CENPO: variants seen among roughly 807,000 people sequenced by gnomAD.
CENPO encodes centromeric protein O.
A neutral mutation model predicts 36.1 loss-of-function variants in CENPO; 30 were observed. That is an observed-to-expected ratio of 0.83 (90% CI 0.62 to 1.13). CENPO has a LOEUF of 1.13. CENPO is among the 50% of genes most tolerant of loss of function. The pLI is 0.00. For missense variants in CENPO, 349 were observed against 357.8 expected, an observed-to-expected ratio of 0.98 and a Z score of 0.20; for synonymous variants, 171 against 142.3, an observed-to-expected ratio of 1.20 and a Z score of -1.44.
chr2:24,794,299 A>G (rs1054716451), intron 2 of CENPO, among the ~76,000 whole-genome samples: 1 of 152,172 alleles, frequency 6.6e-6, no homozygotes, highest in Non-Finnish European at 1.5e-5. Flanking sequence ...AGGGAGGGCC[A>G]GTGTAGGGCA....
intron 3 of CENPO, among the ~76,000 whole-genome samples, chr2:24,800,997 T>C (rs957533091): frequency 3.9e-5 from 6 of 152,224 alleles, no homozygotes; most frequent in African/African-American, 1.4e-4. Flanking sequence ...TGTTGTTTCC[T>C]GACTTTTTAA....
At chr2:24,798,275 G>GTA (rs113677572) in intron 2 of CENPO, among the ~76,000 whole-genome samples, 1,982 of 149,406 alleles carry the variant, frequency 0.013, 23 homozygotes, top group Middle Eastern at 0.034. Flanking sequence ...GTATGTGTGT[G>GTA]TATATATATA....
At chr2:24,801,331 A>G (rs1206144612) in intron 3 of CENPO, among the ~76,000 whole-genome samples, 1 of 152,104 alleles carries the variant, frequency 6.6e-6, no homozygotes, top group African/African-American at 2.4e-5. Context: ...CTTTAGTTTA[A>G]TTAGATCCCG....
intron 3 of CENPO, among the ~76,000 whole-genome samples, chr2:24,811,664 C>T (rs1323850697): frequency 6.6e-6 from 1 of 151,970 alleles, no homozygotes; most frequent in Non-Finnish European, 1.5e-5. Flanking sequence ...GGTTTTACCA[C>T]GTTAGCCAGG....
In CENPO at chr2:24,815,420, G is replaced by A. The variant is rs577755886; in HGVS notation, c.335-77G>A. ...AAGTGTACATATTCTAGGCACTGTGGAAGCTACTGGAGGCACAGATGAGTA... is the reference window on the plus strand; with the variant it reads ...AAGTGTACATATTCTAGGCACTGTGAAAGCTACTGGAGGCACAGATGAGTA... On this transcript the variant is annotated intron_variant, in intron 4 of 7. Transcript: ENST00000380834. 4 of 1,095,886 alleles carry A rather than the reference G, an allele frequency of 3.7e-6. No homozygotes were observed. In the African/African-American group the frequency reaches 6.2e-5, roughly 17 times the overall value. 67.9% of individuals were successfully genotyped at this position (1,095,886 alleles called of 1,614,324 possible).
chr2:24,815,788 G>A lies in CENPO; in HGVS notation c.594+32G>A, dbSNP rs199499885. On this transcript the variant is annotated intron_variant, in intron 5 of 7. Transcript: ENST00000380834. ...CTCTGGGATGTTATATGCCTCATCC[G>A]TGGGCCCAAGATCAACTTAAAAGGG... 230 of 1,605,302 alleles carry A rather than the reference G, an allele frequency of 1.4e-4. 1 individual carries two copies. The African/African-American group carries it at 2.7e-3, about 19-fold the overall frequency.
At chr2:24,819,131 C>G (rs182023022) in intron 7 of CENPO, 3 of 152,740 alleles carry the variant, frequency 2.0e-5, no homozygotes, top group Admixed American at 1.3e-4. Flanking sequence ...TACCAGCACT[C>G]CTCAGATAAG....
intron 2 of CENPO, 84 bp from the exon 3 acceptor site, chr2:24,799,591 C>A: frequency 9.6e-7 from 1 of 1,045,718 alleles, no homozygotes; most frequent in African/African-American, 1.6e-5. Context: ...AAAAAAGAGT[C>A]ACCTGTTCTT....
rs1667361722 is a variant in CENPO at position 24,820,209 on chromosome 2, C to T, written c.*891C>T. On this transcript the variant is annotated 3_prime_UTR_variant, in exon 8 of 8. Transcript: ENST00000380834. ...TGGGTGGTTGGAGCCGAGCACTGAT[C>T]CATGGGTCCCAAGCAGTACGGGACA... 2.4e-6 allele frequency: 3 copies of T among 1,253,808 alleles called. No individual in the cohort carries two copies. The highest frequency in any genetic ancestry group is 3.1e-5 in the South Asian group (2 of 64,388). The allele number at this position is 1,253,808 out of a possible 1,614,324, so 77.7% of individuals were successfully genotyped here. A position where few individuals can be genotyped will look rare whatever the true frequency, so the allele number is the denominator to read the frequency against.
chr2:24,816,457 C>A, intron 5 of CENPO, 189 bp from the exon 6 acceptor site: 1 of 566,126 alleles, frequency 1.8e-6, no homozygotes, highest in Non-Finnish European at 3.1e-6. Flanking sequence ...TCCAGGCTGC[C>A]AGTGACTCTT....
chr2:24,808,481 C>T (rs545067256), intron 3 of CENPO, among the ~76,000 whole-genome samples: 10 of 152,312 alleles, frequency 6.6e-5, no homozygotes, highest in Non-Finnish European at 1.5e-4. Flanking sequence ...GGATTACAGG[C>T]GTGAGCCGCC....
intron 3 of CENPO, among the ~76,000 whole-genome samples, chr2:24,812,023 G>C (rs1666716636): frequency 6.6e-6 from 1 of 152,228 alleles, no homozygotes; most frequent in African/African-American, 2.4e-5. Flanking sequence ...CCTTTTCAGT[G>C]CTCTTCATTT....
intron 3 of CENPO, among the ~76,000 whole-genome samples, chr2:24,807,279 C>G (rs1666450021): frequency 2.2e-5 from 1 of 44,906 alleles, no homozygotes. Context: ...TCCTAGTCTT[C>G]TCTTAAGTCT....
Position 24,821,584 on chromosome 2 carries a change from C to T in CENPO, c.*2266C>T, listed in dbSNP as rs549333173. 508 of 1,614,110 alleles carry T rather than the reference C, an allele frequency of 3.1e-4. 3 individuals carry two copies. In the South Asian group the frequency reaches 5.1e-3, roughly 16 times the overall value. ...TGGTGAGCGTATCCTTCATGGCCAG[C>T]GCGAAGTCGGCCAGGTCAGCCAGGT... is the stretch of plus-strand genomic sequence containing the variant. On this transcript the variant is annotated 3_prime_UTR_variant, in exon 8 of 8. Coordinates refer to ENST00000380834, the MANE Select transcript of CENPO (RefSeq NM_001322101.2).
intron 3 of CENPO, among the ~76,000 whole-genome samples, chr2:24,806,681 C>T (rs993406323): frequency 1.1e-4 from 17 of 152,172 alleles, no homozygotes; most frequent in African/African-American, 3.9e-4. Flanking sequence ...TTTACATTCC[C>T]AGCAATAGTT....
At chr2:24,804,051 T>G (rs1666271491) in intron 3 of CENPO, among the ~76,000 whole-genome samples, 1 of 152,248 alleles carries the variant, frequency 6.6e-6, no homozygotes, top group Admixed American at 6.5e-5. Context: ...AGTTAGCTCT[T>G]CGTGTTGAAT....
Position 24,820,465 on chromosome 2 carries a change from C to T in CENPO, c.*1147C>T. ...TGCCAGACGCCACTGAGACAGATCA[C>T]AAGGTATTAGAAGGTTCATACCCAA... On this transcript the variant is annotated 3_prime_UTR_variant, in exon 8 of 8. Coordinates refer to ENST00000380834, the MANE Select transcript of CENPO (RefSeq NM_001322101.2). The T allele has an allele frequency of 7.4e-7, 1 of 1,346,818 alleles. No individual in the cohort carries two copies. The highest frequency in any genetic ancestry group is 2.9e-5 in the East Asian group (1 of 33,958). 83.4% of individuals were successfully genotyped at this position (1,346,818 alleles called of 1,614,324 possible). A position where few individuals can be genotyped will look rare whatever the true frequency, so the allele number is the denominator to read the frequency against.
Position 24,821,789 on chromosome 2 carries a change from C to T in CENPO, c.*2471C>T, listed in dbSNP as rs1480514359. On this transcript the variant is annotated 3_prime_UTR_variant, in exon 8 of 8. Transcript: ENST00000380834. ...TCCTCCCACAAAGGAGTCGCAGCCA[C>T]GCTAGCTCTGACTTGCCACTGTGAC... 13 of 1,204,530 alleles carry T rather than the reference C, an allele frequency of 1.1e-5. No individual in the cohort carries two copies. The highest frequency in any genetic ancestry group is 4.5e-5 in the South Asian group (3 of 66,966). The allele number at this position is 1,204,530 out of a possible 1,614,324, so 74.6% of individuals were successfully genotyped here.
At chr2:24,802,562 C>T (rs1434718510) in intron 3 of CENPO, among the ~76,000 whole-genome samples, 1 of 152,138 alleles carries the variant, frequency 6.6e-6, no homozygotes, top group Non-Finnish European at 1.5e-5. Flanking sequence ...TGTCAAAGGC[C>T]TTTTCTGCAT....
Sources: gnomAD v4.1 joint callset for allele counts (sites outside exome capture counted in the v4.1 genomes callset) on GRCh38, gnomAD v4.1.1 for gene constraint, MANE v1.5 for transcripts, NCBI Gene and HGNC (gene_info 2026-07-23, HGNC 2026-07-21) for gene names.